Variants in MED13 observed in about 807,000 individuals in gnomAD.
MED13 encodes mediator complex subunit 13.
Under a neutral mutation model 225.2 loss-of-function variants are expected in MED13, and 23 were observed. The ratio of observed to expected loss-of-function variants is 0.10; its 90% CI spans 0.07 to 0.14. The LOEUF (loss-of-function observed/expected upper bound fraction) is 0.14, where lower values mean the gene tolerates loss of function less well. Among genes scored for constraint, MED13 ranks in the 10% least tolerant of loss-of-function variants. MED13 has a pLI of 1.00. For synonymous variants in MED13, 942 were observed against 889.2 expected (o/e 1.06, Z -1.06); for missense variants, 2,197 against 2,594.5 (o/e 0.85, Z 3.33).
chr17:62,019,696 T>G (rs1567982502), intron 8 of MED13, among the ~76,000 whole-genome samples: 1 of 152,134 alleles, frequency 6.6e-6, no homozygotes, highest in Non-Finnish European at 1.5e-5. Context: ...TATACAGACC[T>G]CTTTCTAAAA....
intron 8 of MED13, among the ~76,000 whole-genome samples, chr17:62,022,403 G>A (rs907748516): frequency 6.6e-6 from 1 of 151,710 alleles, no homozygotes; most frequent in Non-Finnish European, 1.5e-5. Context: ...GAAACAAACT[G>A]TATGTCCATC....
At position 61,960,980 on chromosome 17, in the gene MED13, A is replaced by G; in HGVS notation, c.5367T>C (p.Val1789=). Reference sequence around the variant, plus strand: ...GTGATAAACAGTATCCCACAAAAAGAACATTATATTTCTGTCCAGCTTCTC... The same window carrying G: ...GTGATAAACAGTATCCCACAAAAAGGACATTATATTTCTGTCCAGCTTCTC... ...TFGEAGQKYN[V]LFVGYCLSHD... Residue 1789 remains valine, a synonymous_variant, in exon 23 of 30, where the codon GTT becomes GTC. Transcript: ENST00000397786. The G allele has an allele frequency of 6.2e-7, 1 of 1,613,992 alleles. No homozygotes were observed. The highest frequency in any genetic ancestry group is 8.5e-7 in the Non-Finnish European group (1 of 1,179,928).
chr17:62,010,994 A>G lies in MED13; in HGVS notation c.1523T>C (p.Phe508Ser), dbSNP rs1332215338. 6.2e-7 allele frequency: 1 copy of G among 1,613,556 alleles called. No individual in the cohort carries two copies. The change falls in exon 9 of 30, where the codon TTT (phenylalanine) becomes TCT (serine). Residue 508 changes from phenylalanine to serine, a missense_variant. Transcript: ENST00000397786. ...VISAPDSQVR[F>S]SNIRTNDVAK... ...TACATCATTAGTTCGGATATTTGAA[A>G]ATCTCACTTGACTGTCTGGAGCAGA... is the stretch of plus-strand genomic sequence containing the variant.
At chr17:62,032,987 T>C (rs1285574667) in intron 5 of MED13, among the ~76,000 whole-genome samples, 1 of 152,002 alleles carries the variant, frequency 6.6e-6, no homozygotes, top group Non-Finnish European at 1.5e-5. Flanking sequence ...CCATCTCTAC[T>C]AGCATTACAA....
intron 5 of MED13, chr17:62,032,413 G>T (rs530380370): frequency 6.6e-6 from 1 of 150,884 alleles, no homozygotes; most frequent in Non-Finnish European, 1.5e-5. Flanking sequence ...GGTGGAGGTT[G>T]CAGTGAGCAG....
In MED13 at chr17:61,953,041, A is replaced by G; in HGVS notation, c.6041T>C (p.Ile2014Thr). ...GDDLDPDIIN[I>T]LPASPTGSPV... ...AGAACCAGTTGGAGAAGCAGGAAGG[A>G]TATTAATGATATCAGGGTCAAGATC... Residue 2014 changes from isoleucine to threonine, a missense_variant, in exon 27 of 30, where the codon ATC (isoleucine) becomes ACC (threonine). Around this residue, in one of 12 missense-constraint regions of MED13, gnomAD observed 216 missense variants for 388.9 expected, o/e 0.56. Coordinates refer to ENST00000397786, the MANE Select transcript of MED13 (RefSeq NM_005121.3). The G allele has an allele frequency of 6.2e-7, 1 of 1,613,866 alleles. No homozygotes were observed. Among genetic ancestry groups the G allele is most frequent in the Non-Finnish European group, 8.5e-7 (1 of 1,179,710 alleles).
intron 17 of MED13, 118 bp from the exon 18 acceptor site, chr17:61,968,376 A>G: frequency 1.4e-6 from 1 of 729,418 alleles, no homozygotes; most frequent in Non-Finnish European, 2.0e-6. Context: ...CCCAGACTGG[A>G]GTGCAGTGGC....
intron 25 of MED13, 29 bp from the exon 26 acceptor site, chr17:61,955,596 A>C: frequency 1.3e-6 from 2 of 1,542,530 alleles, no homozygotes; most frequent in Non-Finnish European, 1.7e-6. Flanking sequence ...TTTTCTTTTA[A>C]TAAACGAAGA....
intron 3 of MED13, among the ~76,000 whole-genome samples, chr17:62,042,946 T>G (rs1279263727): frequency 6.6e-6 from 1 of 151,728 alleles, no homozygotes; most frequent in African/African-American, 2.4e-5. Flanking sequence ...GGCTAGGAGT[T>G]AGAGACCAGC....
intron 9 of MED13, chr17:62,004,029 A>G (rs938715140): frequency 1.3e-5 from 2 of 152,264 alleles, no homozygotes; most frequent in African/African-American, 4.8e-5. Flanking sequence ...TCTTATGAAT[A>G]CAATGTGCCC....
At chr17:62,022,180 T>A (rs201360665) in intron 8 of MED13, among the ~76,000 whole-genome samples, 15,341 of 141,614 alleles carry the variant, frequency 0.11, 1,910 homozygotes, top group East Asian at 0.46. Flanking sequence ...AAAAAATATA[T>A]ATATATATAT....
At chr17:62,026,006 T>C (rs2080698240) in intron 8 of MED13, among the ~76,000 whole-genome samples, 1 of 152,120 alleles carries the variant, frequency 6.6e-6, no homozygotes, top group African/African-American at 2.4e-5. Flanking sequence ...ACAGAGCAAA[T>C]GTAAGAAAAA....
At chr17:61,989,415 C>T (rs2080276520) in intron 11 of MED13, among the ~76,000 whole-genome samples, 1 of 152,164 alleles carries the variant, frequency 6.6e-6, no homozygotes, top group African/African-American at 2.4e-5. Context: ...GATCCTGGCT[C>T]ACTGCAACCT....
intron 16 of MED13, among the ~76,000 whole-genome samples, chr17:61,979,387 G>A (rs1033654336): frequency 5.9e-5 from 9 of 151,942 alleles, no homozygotes; most frequent in African/African-American, 1.7e-4. Flanking sequence ...ATGGTTCACC[G>A]AATCCTCCAC....
At chr17:62,038,887 C>T (rs1567994941) in intron 3 of MED13, among the ~76,000 whole-genome samples, 1 of 152,078 alleles carries the variant, frequency 6.6e-6, no homozygotes, top group East Asian at 1.9e-4. Context: ...GTTGCCCAGG[C>T]TGGCCTCAAA....
At chr17:61,995,601 T>C (rs2080340382) in intron 9 of MED13, among the ~76,000 whole-genome samples, 1 of 152,162 alleles carries the variant, frequency 6.6e-6, no homozygotes, top group Non-Finnish European at 1.5e-5. Context: ...TCTACCAAAA[T>C]ATGTTGTCTT....
At chr17:62,037,239 T>G (rs993118338) in intron 3 of MED13, among the ~76,000 whole-genome samples, 1 of 148,192 alleles carries the variant, frequency 6.7e-6, no homozygotes, top group African/African-American at 2.5e-5. Flanking sequence ...GGCGACAGAG[T>G]AAGACTGTCT....
intron 23 of MED13, among the ~76,000 whole-genome samples, chr17:61,958,572 C>T (rs886179328): frequency 5.9e-5 from 9 of 151,464 alleles, no homozygotes; most frequent in South Asian, 2.1e-4. Context: ...CTCTTGACCT[C>T]GTGACCTGCC....
At chr17:62,053,664 T>C (rs2080974454) in intron 2 of MED13, among the ~76,000 whole-genome samples, 1 of 152,198 alleles carries the variant, frequency 6.6e-6, no homozygotes, top group Non-Finnish European at 1.5e-5. Flanking sequence ...TATATACCTT[T>C]ATAAACATTT....
Sources: gnomAD v4.1 joint callset for allele counts (sites outside exome capture counted in the v4.1 genomes callset) on GRCh38, gnomAD v4.1.1 for gene constraint, gnomAD v4.1.1 regional missense constraint, MANE v1.5 for transcripts, NCBI Gene and HGNC (gene_info 2026-07-23, HGNC 2026-07-21) for gene names.